Variants in RUBCN observed in about 807,000 individuals in gnomAD.
RUBCN encodes the protein run domain Beclin-1-interacting and cysteine-rich domain-containing protein.
In RUBCN, 74 loss-of-function variants were observed where a neutral mutation model predicts 113.2. That is an observed-to-expected ratio of 0.65 (90% CI 0.54 to 0.79). The LOEUF (loss-of-function observed/expected upper bound fraction) is 0.79, where lower values mean the gene tolerates loss of function less well. Ranked by LOEUF, RUBCN falls within the 30% of genes least tolerant of loss-of-function variation. The probability of loss-of-function intolerance (pLI) is 0.00; values close to 1 mark genes in which losing one functional copy is unlikely to be tolerated. For synonymous variants in RUBCN, 480 were observed against 490.0 expected, an observed-to-expected ratio of 0.98 and a Z score of 0.27; for missense variants, 1,109 against 1,251.7, an observed-to-expected ratio of 0.89 and a Z score of 1.72.
At chr3:197,720,140 G>GTACC (rs2108965519) in intron 1 of RUBCN, among the ~76,000 whole-genome samples, 1 of 152,170 alleles carries the variant, frequency 6.6e-6, no homozygotes, top group South Asian at 2.1e-4. Flanking sequence ...CTACAACCAT[G>GTACC]TACCTGTTGA....
rs78704252 is a variant in RUBCN, at chr3:197,724,331, A to G, written c.66-6201T>C. The stretch of plus-strand genomic sequence containing the variant: ...AAAACTCTGTAAAGTATTACACTAT[A>G]TAACTAATACATAACTAAAACATAA... On this transcript the variant is annotated intron_variant, in intron 1 of 19. Coordinates refer to ENST00000296343, the MANE Select transcript of RUBCN (RefSeq NM_014687.4). Among the ~76,000 whole-genome samples, 1,351 of 152,314 alleles carry G rather than the reference A, an allele frequency of 8.9e-3. 14 individuals are homozygous for G. Among genetic ancestry groups the G allele is most frequent in the South Asian group, 0.043 (207 of 4,828 alleles).
chr3:197,740,670 G>C (rs769556517), upstream of RUBCN, among the ~76,000 whole-genome samples: 2 of 151,634 alleles, frequency 1.3e-5, no homozygotes, highest in South Asian at 4.2e-4. Context: ...GCCCAGGCTG[G>C]AGTGCAGTGG....
At chr3:197,707,318 C>A (rs564225788) in intron 2 of RUBCN, among the ~76,000 whole-genome samples, 9 of 151,616 alleles carry the variant, frequency 5.9e-5, no homozygotes, top group African/African-American at 2.2e-4. Flanking sequence ...GGTGACAGAG[C>A]GAGACTCCGG....
At chr3:197,684,041 C>T in intron 12 of RUBCN, 116 bp downstream of exon 12, 1 of 818,136 alleles carries the variant, frequency 1.2e-6, no homozygotes, top group Middle Eastern at 2.2e-4. Flanking sequence ...CTCCCTTTAA[C>T]CTCGCCTCCT....
In RUBCN at chr3:197,677,045, G is replaced by A; in HGVS notation, c.2493-7C>T. The stretch of plus-strand genomic sequence containing the variant: ...GTCAAAGGAATCCAGAAGCCTACAG[G>A]GAGTGACAGGAGGCAGGTGAGGGAA... On this transcript the variant is annotated splice_polypyrimidine_tract_variant and splice_region_variant and intron_variant, in intron 17 of 19. Transcript: ENST00000296343. 6.2e-7 allele frequency: 1 copy of A among 1,612,820 alleles called. No homozygotes were observed.
chr3:197,749,782 G>T, upstream of RUBCN: 1 of 541,054 alleles, frequency 1.8e-6, no homozygotes, highest in Middle Eastern at 3.1e-4. Context: ...AGCGAGTCAC[G>T]GCGCGGGGCC....
chr3:197,690,706 G>C (rs1050060901), intron 11 of RUBCN, among the ~76,000 whole-genome samples: 2 of 152,224 alleles, frequency 1.3e-5, no homozygotes, highest in African/African-American at 2.4e-5. Flanking sequence ...TTTGCTGTCT[G>C]AATGTGTGGC....
Position 197,681,527 on chromosome 3 carries a change from A to T in RUBCN, c.2192-160T>A, listed in dbSNP as rs573208031. ...AAGCTTGCAGAAATCCACATAGTGG[A>T]TCCTGGGGTGATAATGTCCTACCTT... On this transcript the variant is annotated intron_variant, in intron 15 of 19. Transcript: ENST00000296343. The surrounding 1 kb of genome is among the most constrained non-coding windows in gnomAD (Gnocchi z 5.5). Among the ~76,000 whole-genome samples the T allele has an allele frequency of 9.2e-5, 14 of 152,264 alleles. No homozygotes were observed. Among genetic ancestry groups the T allele is most frequent in the Admixed American group, 7.8e-4 (12 of 15,298 alleles).
At position 197,669,893 on chromosome 3, in the gene RUBCN, T is replaced by C. The variant is rs1016645859; in HGVS notation, c.*5125A>G. 1.3e-5 allele frequency among the ~76,000 whole-genome samples: 2 copies of C among 152,228 alleles called. No homozygotes were observed. The highest frequency in any genetic ancestry group is 1.3e-4 in the Admixed American group (2 of 15,286). ...TTTTTCCCCATGTTACTATCATAAT[T>C]TATTTTTTTGTTTGAGACAGAGTCC... On this transcript the variant is annotated 3_prime_UTR_variant, in exon 20 of 20. Transcript: ENST00000296343.
chr3:197,703,331 G>C lies in RUBCN; in HGVS notation c.570+217C>G, dbSNP rs138338558. Reference sequence around the variant, plus strand: ...AAGAATCGCCTGAACCCAGGAGATAGAGGTTGCAGTGAGCTGAGATTGCAC... The same window carrying C: ...AAGAATCGCCTGAACCCAGGAGATACAGGTTGCAGTGAGCTGAGATTGCAC... On this transcript the variant is annotated intron_variant, in intron 5 of 19. Coordinates refer to ENST00000296343, the MANE Select transcript of RUBCN (RefSeq NM_014687.4). 4.5e-3 allele frequency among the ~76,000 whole-genome samples: 626 copies of C among 138,214 alleles called. 6 individuals are homozygous for C. Among genetic ancestry groups the C allele is most frequent in the African/African-American group, 0.016 (586 of 37,496 alleles). The allele number at this position is 138,214 out of a possible 152,430, so 90.7% of individuals were successfully genotyped here.
chr3:197,732,603 G>A (rs1424514204), intron 1 of RUBCN, among the ~76,000 whole-genome samples: 3 of 152,224 alleles, frequency 2.0e-5, no homozygotes, highest in East Asian at 1.9e-4. Context: ...GTGAGCCACC[G>A]TGCCCAGTGT....
At chr3:197,720,766 T>C (rs544061837) in intron 1 of RUBCN, among the ~76,000 whole-genome samples, 2 of 152,262 alleles carry the variant, frequency 1.3e-5, no homozygotes, top group South Asian at 2.1e-4. Flanking sequence ...CTGCAATAAA[T>C]AGAGGAGTGC....
chr3:197,738,333 AAG>A (rs758425399), upstream of RUBCN, among the ~76,000 whole-genome samples: 2 of 152,208 alleles, frequency 1.3e-5, no homozygotes, highest in Admixed American at 6.5e-5. Flanking sequence ...GTGAGGGAGA[AAG>A]AGCGATCAAG....
chr3:197,702,451 T>C (rs1268014589), intron 5 of RUBCN, among the ~76,000 whole-genome samples: 4 of 152,080 alleles, frequency 2.6e-5, no homozygotes, highest in Non-Finnish European at 5.9e-5. Context: ...TCACTTGAGG[T>C]CAGGAGATCG....
At position 197,675,522 on chromosome 3, in the gene RUBCN, A is replaced by C. The variant is rs1185835368; in HGVS notation, c.2647-7T>G. The C allele has an allele frequency of 6.2e-7, 1 of 1,610,532 alleles. No individual in the cohort carries two copies. Among genetic ancestry groups the C allele is most frequent in the South Asian group, 1.1e-5 (1 of 90,996 alleles). On this transcript the variant is annotated splice_region_variant and splice_polypyrimidine_tract_variant and intron_variant, in intron 18 of 19. Transcript: ENST00000296343. The surrounding 1 kb of genome is among the most constrained non-coding windows in gnomAD (Gnocchi z 4.4). Reference sequence around the variant, plus strand: ...AGCCTTTGGCTTGGCAGAGCTGGGGAGGAAAAACACAGATGGCAAAATGAG... The same window carrying C: ...AGCCTTTGGCTTGGCAGAGCTGGGGCGGAAAAACACAGATGGCAAAATGAG...
chr3:197,703,830 G>C (rs1451686719), intron 4 of RUBCN, among the ~76,000 whole-genome samples, 176 bp from the exon 5 acceptor site: 1 of 152,192 alleles, frequency 6.6e-6, no homozygotes, highest in Non-Finnish European at 1.5e-5. Context: ...CAGGGCAAGA[G>C]GCTTCAACGT....
chr3:197,720,368 T>C (rs1052714343), intron 1 of RUBCN, among the ~76,000 whole-genome samples: 1 of 152,166 alleles, frequency 6.6e-6, no homozygotes, highest in Non-Finnish European at 1.5e-5. Flanking sequence ...TATTCCATAG[T>C]GTATACACAC....
chr3:197,736,908 C>A, upstream of RUBCN: 1 of 1,361,050 alleles, frequency 7.3e-7, no homozygotes. Flanking sequence ...CGGCCACCCC[C>A]ACTTCCGGCT....
chr3:197,676,716 T>C (rs1720473781), intron 18 of RUBCN, 169 bp downstream of exon 18: 6 of 1,477,918 alleles, frequency 4.1e-6, no homozygotes, highest in Non-Finnish European at 5.4e-6. Context: ...ATCAGGATGA[T>C]TTGGCTGCTC....
Sources: gnomAD v4.1 joint callset for allele counts (sites outside exome capture counted in the v4.1 genomes callset) on GRCh38, gnomAD v4.1.1 for gene constraint, Gnocchi (gnomAD v3.1) non-coding constraint, MANE v1.5 for transcripts, NCBI Gene and HGNC (gene_info 2026-07-23, HGNC 2026-07-21) for gene names.